The following CCM2 variants were observed in gnomAD, a reference collection of about 807,000 sequenced individuals.
CCM2 encodes the protein cerebral cavernous malformations 2 protein.
In CCM2, 25 loss-of-function variants were observed where a neutral mutation model predicts 44.9. The ratio of observed to expected loss-of-function variants is 0.56; its 90% CI spans 0.41 to 0.78. The LOEUF (loss-of-function observed/expected upper bound fraction) is 0.78. CCM2 is among the 30% of genes least tolerant of loss of function. The probability of loss-of-function intolerance (pLI) is 0.00; values close to 1 mark genes in which losing one functional copy is unlikely to be tolerated. For synonymous variants in CCM2, 219 were observed against 241.1 expected (o/e 0.91, Z 0.85); for missense variants, 481 against 580.6 (o/e 0.83, Z 1.76).
chr7:45,074,174 T>C, intron 8 of CCM2, 96 bp from the exon 9 acceptor site: 1 of 1,591,446 alleles, frequency 6.3e-7, no homozygotes, highest in Admixed American at 1.7e-5. Flanking sequence ...AGACAGCTGG[T>C]GCTCTGGCTG....
At chr7:45,020,334 C>A (rs1174862353) in intron 1 of CCM2, among the ~76,000 whole-genome samples, 1 of 152,124 alleles carries the variant, frequency 6.6e-6, no homozygotes, top group East Asian at 1.9e-4. Context: ...CAGTCTACTT[C>A]TCTCTTAAGG....
intron 2 of CCM2, among the ~76,000 whole-genome samples, chr7:45,045,955 A>G (rs999196034): frequency 5.3e-5 from 8 of 152,246 alleles, no homozygotes; most frequent in African/African-American, 1.9e-4. Context: ...GCTGAAAACT[A>G]TAGAACACTG....
intron 1 of CCM2, among the ~76,000 whole-genome samples, chr7:45,001,145 CTA>C (rs1302726695): frequency 6.6e-6 from 1 of 152,104 alleles, no homozygotes; most frequent in African/African-American, 2.4e-5. Flanking sequence ...TAATTCCTAA[CTA>C]TGATTTTACT....
intron 2 of CCM2, among the ~76,000 whole-genome samples, chr7:45,055,358 A>G (rs1168227481): frequency 6.6e-6 from 1 of 152,242 alleles, no homozygotes; most frequent in African/African-American, 2.4e-5. Flanking sequence ...AATAAAGCTA[A>G]TTAGATGAAA....
intron 1 of CCM2, among the ~76,000 whole-genome samples, chr7:45,036,641 C>A (rs2128727962): frequency 6.6e-6 from 1 of 152,164 alleles, no homozygotes; most frequent in South Asian, 2.1e-4. Context: ...TAGTGTAGTC[C>A]TTGGCTGCAA....
intron 1 of CCM2, among the ~76,000 whole-genome samples, chr7:45,031,712 C>T (rs980647422): frequency 1.3e-5 from 2 of 151,994 alleles, no homozygotes; most frequent in African/African-American, 4.8e-5. Context: ...TGTGTGCCAC[C>T]ATGTCCTGCT....
chr7:45,016,952 G>A (rs916288543), intron 1 of CCM2, among the ~76,000 whole-genome samples: 6 of 151,820 alleles, frequency 4.0e-5, no homozygotes, highest in Non-Finnish European at 8.8e-5. Flanking sequence ...TGTATTTTTA[G>A]GAGCGACAGG....
chr7:45,049,967 G>A (rs1429087634), intron 2 of CCM2, among the ~76,000 whole-genome samples: 1 of 152,230 alleles, frequency 6.6e-6, no homozygotes, highest in Non-Finnish European at 1.5e-5. Flanking sequence ...GTAATCTAGA[G>A]ATAATTTGAA....
intron 6 of CCM2, chr7:45,070,481 T>C: frequency 4.4e-6 from 2 of 456,290 alleles, no homozygotes; most frequent in Non-Finnish European, 8.8e-6. Context: ...GAATGGAAGG[T>C]ACCCCAGAGC....
rs1413864615 is a variant in CCM2, at chr7:45,072,769, G to A, written c.789G>A (p.Val263=). The A allele has an allele frequency of 6.2e-7, 1 of 1,612,546 alleles. No individual in the cohort carries two copies. Among genetic ancestry groups the A allele is most frequent in the Non-Finnish European group, 8.5e-7 (1 of 1,179,648 alleles). The part of the protein sequence containing the change: ...TKVDIKETYE[V]EASTFCFPES... ...TGGACATTAAGGAGACCTACGAGGTGGAAGCCAGCACTTTGTGAGTGCACA... is the reference window on the plus strand; with the variant it reads ...TGGACATTAAGGAGACCTACGAGGTAGAAGCCAGCACTTTGTGAGTGCACA... Residue 263 remains valine (V), a synonymous_variant, in exon 7 of 10, where the codon GTG becomes GTA. Coordinates refer to ENST00000258781, the MANE Select transcript of CCM2 (RefSeq NM_031443.4).
intron 1 of CCM2, among the ~76,000 whole-genome samples, chr7:45,005,254 G>A (rs1467175731): frequency 6.6e-6 from 1 of 152,190 alleles, no homozygotes; most frequent in Non-Finnish European, 1.5e-5. Context: ...CATAAGGCTG[G>A]TTACTTTTCT....
At chr7:45,026,597 ATTTTTTT>A (rs747619583) in intron 1 of CCM2, among the ~76,000 whole-genome samples, 2 of 114,432 alleles carry the variant, frequency 1.7e-5, no homozygotes, top group Admixed American at 9.2e-5. Context: ...CTCTAACCAG[ATTTTTTT>A]TTTTTTTTTT....
At chr7:45,046,053 C>T (rs1797740857) in intron 2 of CCM2, among the ~76,000 whole-genome samples, 1 of 152,102 alleles carries the variant, frequency 6.6e-6, no homozygotes. Flanking sequence ...GTTACTTGTC[C>T]CTAAGTTGAT....
rs181261757 is a variant in CCM2 at position 45,008,226 on chromosome 7, G to A, written c.30+7863G>A. The stretch of plus-strand genomic sequence containing the variant: ...GGCTAATTTTTTTATTTTTGGTAGA[G>A]ATGGGGTTTCCCCATGTTGGCAAGA... On this transcript the variant is annotated intron_variant, in intron 1 of 9. Transcript: ENST00000258781. 4.4e-3 allele frequency among the ~76,000 whole-genome samples: 664 copies of A among 152,118 alleles called. 5 individuals carry two copies. Among genetic ancestry groups the A allele is most frequent in the African/African-American group, 0.015 (640 of 41,512 alleles).
At chr7:45,000,945 A>G (rs1795593466) in intron 1 of CCM2, among the ~76,000 whole-genome samples, 1 of 152,270 alleles carries the variant, frequency 6.6e-6, no homozygotes, top group African/African-American at 2.4e-5. Context: ...AAAGGGTTAT[A>G]GTAGTCGATA....
At chr7:45,015,927 T>C (rs1310700990) in intron 1 of CCM2, among the ~76,000 whole-genome samples, 5 of 152,244 alleles carry the variant, frequency 3.3e-5, no homozygotes, top group Non-Finnish European at 7.3e-5. Flanking sequence ...ATTTGACATT[T>C]TTAAAAGACC....
intron 2 of CCM2, among the ~76,000 whole-genome samples, chr7:45,062,085 T>C (rs920002618): frequency 6.6e-6 from 1 of 152,228 alleles, no homozygotes; most frequent in African/African-American, 2.4e-5. Context: ...TTATTGTTTT[T>C]TCATGTGACC....
chr7:45,073,704 G>T, intron 8 of CCM2, 133 bp downstream of exon 8: 1 of 643,868 alleles, frequency 1.6e-6, no homozygotes, highest in Non-Finnish European at 2.7e-6. Flanking sequence ...AGCACTCTTG[G>T]TCAATTTTGC....
At chr7:45,047,150 A>G (rs1797796590) in intron 2 of CCM2, among the ~76,000 whole-genome samples, 1 of 152,242 alleles carries the variant, frequency 6.6e-6, no homozygotes, top group East Asian at 1.9e-4. Context: ...TCTAGAAAGC[A>G]GTCTGGCAGT....
Sources: gnomAD v4.1 joint callset for allele counts (sites outside exome capture counted in the v4.1 genomes callset) on GRCh38, gnomAD v4.1.1 for gene constraint, MANE v1.5 for transcripts, NCBI Gene and HGNC (gene_info 2026-07-23, HGNC 2026-07-21) for gene names.